Variants in CYP27A1 observed in about 807,000 individuals in gnomAD.
The protein encoded by CYP27A1 is cytochrome P450 family 27 subfamily A member 1.
Under a neutral mutation model 58.2 loss-of-function variants are expected in CYP27A1, and 46 were observed. The observed-to-expected ratio is 0.79, with a 90% CI of 0.62 to 1.01. The LOEUF is 1.01. Ranked by LOEUF, CYP27A1 falls within the 50% of genes least tolerant of loss-of-function variation. The pLI, the probability that CYP27A1 is intolerant of heterozygous loss-of-function variation, is 0.00. For missense variants in CYP27A1, 704 were observed against 687.0 expected, an observed-to-expected ratio of 1.02 and a Z score of -0.28; for synonymous variants, 274 against 285.1, an observed-to-expected ratio of 0.96 and a Z score of 0.39.
chr2:218,796,583 G>T (rs1010492976), intron 1 of CYP27A1, among the ~76,000 whole-genome samples: 4 of 152,122 alleles, frequency 2.6e-5, no homozygotes, highest in African/African-American at 9.7e-5. Flanking sequence ...AACAGAGCAA[G>T]ACTCTGTCTC....
chr2:218,814,512 G>C (rs752869724), intron 7 of CYP27A1, 33 bp from the exon 8 acceptor site: 13 of 1,613,666 alleles, frequency 8.1e-6, no homozygotes, highest in Non-Finnish European at 1.1e-5. Context: ...CCCCCGAAGA[G>C]AGGCATTCAT....
chr2:218,782,366 C>T lies in CYP27A1; in HGVS notation c.184C>T (p.Arg62Cys). The change falls in exon 1 of 9, where the codon CGT becomes TGT. Residue 62 changes from arginine (R) to cysteine (C), a missense_variant. Coordinates refer to ENST00000258415, the MANE Select transcript of CYP27A1 (RefSeq NM_000784.4). The surrounding 1 kb of genome is among the most constrained non-coding windows in gnomAD (Gnocchi z 4.1). Reference sequence around the variant, plus strand: ...GCAACGGAGCTTAGAGGAGATTCCACGTCTAGGACAGCTGCGCTTCTTCTT... The same window carrying T: ...GCAACGGAGCTTAGAGGAGATTCCATGTCTAGGACAGCTGCGCTTCTTCTT... The part of the protein sequence containing the change: ...RRQRSLEEIP[R>C]LGQLRFFFQL... 4 of 1,614,188 alleles carry T rather than the reference C, an allele frequency of 2.5e-6. No individual in the cohort carries two copies. The highest frequency in any genetic ancestry group is 3.4e-6 in the Non-Finnish European group (4 of 1,180,004).
At chr2:218,797,210 C>T (rs1943555732) in intron 1 of CYP27A1, among the ~76,000 whole-genome samples, 1 of 152,122 alleles carries the variant, frequency 6.6e-6, no homozygotes, top group Admixed American at 6.6e-5. Context: ...AGCAATTCTC[C>T]TGCCTCAGCC....
intron 5 of CYP27A1, 146 bp from the exon 6 acceptor site, chr2:218,813,875 C>G: frequency 1.2e-6 from 1 of 853,664 alleles, no homozygotes. Context: ...AGCATGGAGA[C>G]TGCCATGAAC....
At position 218,782,460 on chromosome 2, in the gene CYP27A1, C is replaced by A. The variant is rs766655647; in HGVS notation, c.255+23C>A. ...CAGGTAACCCGCGGGGGCATCGCGT[C>A]CTGGGGATGGGAGTGGGCACCGGAA... On this transcript the variant is annotated intron_variant, in intron 1 of 8. Coordinates refer to ENST00000258415, the MANE Select transcript of CYP27A1 (RefSeq NM_000784.4). The surrounding 1 kb of genome is among the most constrained non-coding windows in gnomAD (Gnocchi z 4.1). The A allele has an allele frequency of 2.1e-5, 34 of 1,613,878 alleles. No individual in the cohort carries two copies. In the Middle Eastern group the frequency reaches 4.9e-4, roughly 23 times the overall value.
intron 8 of CYP27A1, 23 bp from the exon 9 acceptor site, chr2:218,814,888 C>T (rs1316982078): frequency 1.2e-6 from 2 of 1,614,142 alleles, no homozygotes; most frequent in Non-Finnish European, 1.7e-6. Flanking sequence ...TCCACCCAAC[C>T]ACATGTGCTC....
In CYP27A1 at chr2:218,812,603, T is replaced by C. The variant is rs1943733484; in HGVS notation, c.698T>C (p.Ile233Thr). Residue 233 changes from isoleucine (I) to threonine (T), a missense_variant, in exon 4 of 9, where the codon ATC (isoleucine) becomes ACC (threonine). By Grantham distance (89) the Ile-to-Thr change is moderately conservative (BLOSUM62 -1). Coordinates refer to ENST00000258415, the MANE Select transcript of CYP27A1 (RefSeq NM_000784.4). ...CGCATTGGCTGCCTGCAGCGATCCA[T>C]CCCCGAGGACACCGTGACCTTCGTC... is the stretch of plus-strand genomic sequence containing the variant. ...EKRIGCLQRSIPEDTVTFVRS... is the reference protein window; with the variant it reads ...EKRIGCLQRSTPEDTVTFVRS... 1.2e-6 allele frequency: 2 copies of C among 1,614,186 alleles called. No individual in the cohort carries two copies. Among genetic ancestry groups the C allele is most frequent in the Non-Finnish European group, 1.7e-6 (2 of 1,180,036 alleles).
rs1298533109 is a variant in CYP27A1, at chr2:218,809,664, G to C, written c.343G>C (p.Glu115Gln). 1.2e-6 allele frequency: 2 copies of C among 1,614,010 alleles called. No homozygotes were observed. The highest frequency in any genetic ancestry group is 1.7e-6 in the Non-Finnish European group (2 of 1,180,004). The change falls in exon 2 of 9, where the codon GAG becomes CAG. Residue 115 changes from glutamate (E) to glutamine (Q), a missense_variant. Glu to Gln is a conservative substitution (Grantham distance 29). Transcript: ENST00000258415. ...HVNLASAPLL[E>Q]QVMRQEGKYP... ...GAACCTGGCCAGTGCCCCGCTCTTG[G>C]AGCAAGTGATGCGGCAAGAGGGCAA...
At position 218,791,662 on chromosome 2, in the gene CYP27A1, T is replaced by C. The variant is rs184929256; in HGVS notation, c.255+9225T>C. Reference sequence around the variant, plus strand: ...TATGTGGAGGGACCCTTCTGAGTTATGAAATTATGAACCCAAGGTTCAAGG... The same window carrying C: ...TATGTGGAGGGACCCTTCTGAGTTACGAAATTATGAACCCAAGGTTCAAGG... On this transcript the variant is annotated intron_variant, in intron 1 of 8. Transcript: ENST00000258415. Among the ~76,000 whole-genome samples, 4 of 152,306 alleles carry C rather than the reference T, an allele frequency of 2.6e-5. No individual in the cohort carries two copies. In the East Asian group the frequency reaches 5.8e-4, roughly 22 times the overall value.
At chr2:218,786,248 G>T (rs1218244977) in intron 1 of CYP27A1, among the ~76,000 whole-genome samples, 5 of 152,178 alleles carry the variant, frequency 3.3e-5, no homozygotes, top group African/African-American at 1.2e-4. Context: ...GCCAGGTGGA[G>T]ATAGACATAC....
chr2:218,804,905 C>T (rs570149526), intron 1 of CYP27A1, among the ~76,000 whole-genome samples: 1 of 152,274 alleles, frequency 6.6e-6, no homozygotes, highest in East Asian at 1.9e-4. Flanking sequence ...GATCAGGGTG[C>T]CAGTGGTTGG....
rs754977188 is a variant in CYP27A1 at position 218,782,471 on chromosome 2, G to C, written c.255+34G>C. The C allele has an allele frequency of 3.7e-6, 6 of 1,613,814 alleles. No homozygotes were observed. The South Asian group carries it at 5.5e-5, about 15-fold the overall frequency. On this transcript the variant is annotated intron_variant, in intron 1 of 8. Transcript: ENST00000258415. This position sits in a 1 kb window ranked among gnomAD's most constrained non-coding sequence, Gnocchi z 4.1. ...CGGGGGCATCGCGTCCTGGGGATGGGAGTGGGCACCGGAACAGAGAGGCTA... is the reference window on the plus strand; with the variant it reads ...CGGGGGCATCGCGTCCTGGGGATGGCAGTGGGCACCGGAACAGAGAGGCTA...
chr2:218,795,270 C>T (rs1219323975), intron 1 of CYP27A1, among the ~76,000 whole-genome samples: 2 of 152,126 alleles, frequency 1.3e-5, no homozygotes, highest in Non-Finnish European at 2.9e-5. Context: ...GTTTTCTTTC[C>T]TAGGGCTTTG....
In CYP27A1 at chr2:218,814,730, G is replaced by C; in HGVS notation, c.1449G>C (p.Glu483Asp). 6.2e-7 allele frequency: 1 copy of C among 1,614,190 alleles called. No homozygotes were observed. Among genetic ancestry groups the C allele is most frequent in the East Asian group, 2.2e-5 (1 of 44,886 alleles). Residue 483 changes from glutamate to aspartate, a missense_variant, in exon 8 of 9, where the codon GAG (glutamate) becomes GAC (aspartate). Physicochemically the swap from Glu to Asp is conservative, Grantham distance 45. Transcript: ENST00000258415. ...CCTGCCTGGGCCGCAGGATTGCAGA[G>C]CTGGAGATGCAGCTACTCCTCGCAA... ...VRACLGRRIAELEMQLLLARL... is the reference protein window; with the variant it reads ...VRACLGRRIADLEMQLLLARL...
intron 2 of CYP27A1, among the ~76,000 whole-genome samples, chr2:218,810,478 T>C (rs1348881883): frequency 6.6e-6 from 1 of 152,202 alleles, no homozygotes; most frequent in African/African-American, 2.4e-5. Context: ...TGATATCATA[T>C]GCATGCATTT....
At position 218,782,537 on chromosome 2, in the gene CYP27A1, A is replaced by G; in HGVS notation, c.255+100A>G. On this transcript the variant is annotated intron_variant, in intron 1 of 8. Coordinates refer to ENST00000258415, the MANE Select transcript of CYP27A1 (RefSeq NM_000784.4). This position sits in a 1 kb window ranked among gnomAD's most constrained non-coding sequence, Gnocchi z 4.1. ...TGGACAGAAAGTGAAGGCTGCAGGAACTCAGCTGGGGACCCACTGAGGCTA... is the reference window on the plus strand; with the variant it reads ...TGGACAGAAAGTGAAGGCTGCAGGAGCTCAGCTGGGGACCCACTGAGGCTA... The G allele has an allele frequency of 6.7e-7, 1 of 1,497,888 alleles. No homozygotes were observed. Among genetic ancestry groups the G allele is most frequent in the Non-Finnish European group, 9.2e-7 (1 of 1,083,080 alleles). 92.8% of individuals were successfully genotyped at this position (1,497,888 alleles called of 1,614,324 possible).
intron 1 of CYP27A1, among the ~76,000 whole-genome samples, chr2:218,807,533 T>C (rs919489315): frequency 1.3e-5 from 2 of 152,172 alleles, no homozygotes; most frequent in Admixed American, 6.5e-5. Flanking sequence ...ATTATCATAG[T>C]TCAAGACTCA....
intron 5 of CYP27A1, 63 bp from the exon 6 acceptor site, chr2:218,813,958 C>T: frequency 6.3e-7 from 1 of 1,587,342 alleles, no homozygotes; most frequent in Non-Finnish European, 8.6e-7. Flanking sequence ...ACTCATACAC[C>T]CTCCCATTAC....
At chr2:218,809,545 C>G (rs1258622222) in intron 1 of CYP27A1, 32 bp from the exon 2 acceptor site, 1 of 1,570,934 alleles carries the variant, frequency 6.4e-7, no homozygotes, top group Admixed American at 1.7e-5. Context: ...CCCAGCTTGG[C>G]CCAGTTATTC....
Sources: allele counts gnomAD v4.1 joint callset (sites outside exome capture counted in the v4.1 genomes callset), GRCh38; gene constraint gnomAD v4.1.1; non-coding constraint Gnocchi (gnomAD v3.1); transcripts MANE v1.5; gene names NCBI Gene and HGNC (gene_info 2026-07-23, HGNC 2026-07-21).